Variants in LDB2 observed in about 807,000 individuals in gnomAD.
LDB2 encodes the protein LIM domain binding 2.
Under a neutral mutation model 44.3 loss-of-function variants are expected in LDB2, and 12 were observed. The observed-to-expected ratio is 0.27, with a 90% confidence interval of 0.17 to 0.44. The LOEUF is 0.44. LDB2 is among the 20% of genes least tolerant of loss of function. LDB2 has a pLI of 1.00. For synonymous variants in LDB2, 164 were observed against 174.8 expected (o/e 0.94, Z 0.49); for missense variants, 344 against 473.5 (o/e 0.73, Z 2.54).
intron 5 of LDB2, among the ~76,000 whole-genome samples, chr4:16,526,830 C>A (rs13127163): frequency 0.25 from 38,571 of 152,104 alleles, 5,114 homozygotes; most frequent in East Asian, 0.35. Flanking sequence ...TGAGATCTGT[C>A]TCAGACTTCT....
intron 5 of LDB2, among the ~76,000 whole-genome samples, chr4:16,543,941 T>A (rs1734793406): frequency 6.6e-6 from 1 of 152,190 alleles, no homozygotes; most frequent in African/African-American, 2.4e-5. Flanking sequence ...AATTGTTTTT[T>A]TCTCCCTCTC....
At chr4:16,890,962 C>A (rs1483009) in intron 1 of LDB2, among the ~76,000 whole-genome samples, 60,631 of 151,902 alleles carry the variant, frequency 0.4, 12,326 homozygotes, top group Admixed American at 0.45. Context: ...GAAGCCAAAC[C>A]TGTTGGAAGT....
intron 2 of LDB2, among the ~76,000 whole-genome samples, chr4:16,753,374 T>G (rs1375350972): frequency 1.3e-5 from 2 of 152,334 alleles, no homozygotes; most frequent in East Asian, 3.9e-4. Context: ...TAGGGGAACA[T>G]GTCCAAATAC....
chr4:16,547,919 A>C (rs952631639), intron 5 of LDB2, among the ~76,000 whole-genome samples: 2 of 151,984 alleles, frequency 1.3e-5, no homozygotes, highest in African/African-American at 4.8e-5. Flanking sequence ...AAAATTTACA[A>C]ACATTCATTT....
chr4:16,794,769 T>C (rs1776401409), intron 1 of LDB2, among the ~76,000 whole-genome samples: 1 of 152,250 alleles, frequency 6.6e-6, no homozygotes, highest in African/African-American at 2.4e-5. Flanking sequence ...TGGATGGGGT[T>C]CAACCTATTA....
rs1722813519 is a variant in LDB2, at chr4:16,889,722, G to A, written c.132+8632C>T. On this transcript the variant is annotated intron_variant, in intron 1 of 7. Coordinates refer to ENST00000304523, the MANE Select transcript of LDB2 (RefSeq NM_001290.5). ...GCACTGGGGATGCAATGATGTGTAA[G>A]ACAATCAGGTCCCTGCCCTCATGGG... Among the ~76,000 whole-genome samples, 3 of 152,204 alleles carry A rather than the reference G, an allele frequency of 2.0e-5. No individual in the cohort carries two copies. In the South Asian group the frequency reaches 6.2e-4, roughly 32 times the overall value.
chr4:16,502,481 G>GAAAA lies in LDB2; in HGVS notation c.*158_*161dup. The stretch of plus-strand genomic sequence containing the variant: ...TTACTGGGAATAATCCTCTCAATTA[G>GAAAA]AAAAAAAGAAAGAAGAAAGAAAATC... On this transcript the variant is annotated 3_prime_UTR_variant, in exon 8 of 8. Coordinates refer to ENST00000304523, the MANE Select transcript of LDB2 (RefSeq NM_001290.5). The GAAAA allele has an allele frequency of 9.4e-7, 1 of 1,068,466 alleles. No homozygotes were observed. Among genetic ancestry groups the GAAAA allele is most frequent in the African/African-American group, 1.6e-5 (1 of 62,882 alleles). The allele number at this position is 1,068,466 out of a possible 1,614,324, so 66.2% of individuals were successfully genotyped here.
chr4:16,851,089 G>T (rs1434355953), intron 1 of LDB2, among the ~76,000 whole-genome samples: 2 of 151,780 alleles, frequency 1.3e-5, no homozygotes, highest in East Asian at 3.9e-4. Flanking sequence ...GGAAGCAGTG[G>T]GGTGCTAGTG....
intron 2 of LDB2, among the ~76,000 whole-genome samples, chr4:16,671,398 A>G (rs1744724921): frequency 6.6e-6 from 1 of 152,078 alleles, no homozygotes; most frequent in African/African-American, 2.4e-5. Flanking sequence ...TCCGTGTAAA[A>G]AACTTTCATG....
chr4:16,509,590 A>G (rs1241848155), intron 6 of LDB2, among the ~76,000 whole-genome samples: 4 of 152,206 alleles, frequency 2.6e-5, no homozygotes, highest in Non-Finnish European at 4.4e-5. Context: ...AATGTTTCCA[A>G]TGCACTATTT....
At chr4:16,819,093 TGTGTGTG>T (rs1561337318) in intron 1 of LDB2, among the ~76,000 whole-genome samples, 11 of 6,514 alleles carry the variant, frequency 1.7e-3, no homozygotes, top group African/African-American at 1.9e-3. Context: ...TGTGGTTGCT[TGTGTGTG>T]TGTGTGTGTG....
intron 2 of LDB2, among the ~76,000 whole-genome samples, chr4:16,655,408 G>A (rs149326348): frequency 6.6e-6 from 1 of 152,302 alleles, no homozygotes; most frequent in African/African-American, 2.4e-5. Context: ...TCAGGGGAGT[G>A]TTTCTGATGA....
At chr4:16,544,922 A>G (rs1735157369) in intron 5 of LDB2, among the ~76,000 whole-genome samples, 1 of 152,192 alleles carries the variant, frequency 6.6e-6, no homozygotes, top group South Asian at 2.1e-4. Context: ...ATATTCTAGG[A>G]AACAGGTATG....
chr4:16,684,331 T>C (rs1560872372), intron 2 of LDB2, among the ~76,000 whole-genome samples: 2 of 152,184 alleles, frequency 1.3e-5, no homozygotes, highest in Admixed American at 1.3e-4. Context: ...GCCTTTTGTT[T>C]TTAATGTGTG....
intron 2 of LDB2, among the ~76,000 whole-genome samples, chr4:16,737,904 A>T (rs1762230216): frequency 6.6e-6 from 1 of 152,120 alleles, no homozygotes; most frequent in East Asian, 1.9e-4. Context: ...TTCTCCAACA[A>T]TTTCTATTTC....
intron 1 of LDB2, among the ~76,000 whole-genome samples, chr4:16,812,604 A>C (rs201947287): frequency 1.6e-5 from 2 of 127,322 alleles, no homozygotes; most frequent in Non-Finnish European, 3.2e-5. Flanking sequence ...ATATATATAT[A>C]TATATATATA....
At chr4:16,665,960 C>T (rs1743046082) in intron 2 of LDB2, among the ~76,000 whole-genome samples, 1 of 152,132 alleles carries the variant, frequency 6.6e-6, no homozygotes, top group Non-Finnish European at 1.5e-5. Context: ...TGAAGATTGC[C>T]TACAATACAA....
rs142829277 is a variant in LDB2, at chr4:16,523,004, A to G, written c.616-10900T>C. Among the ~76,000 whole-genome samples the G allele has an allele frequency of 1.8e-4, 27 of 152,362 alleles. No homozygotes were observed. The East Asian group carries it at 4.6e-3, about 26-fold the overall frequency. On this transcript the variant is annotated intron_variant, in intron 5 of 7. Transcript: ENST00000304523. ...CTTCAGTTCAGCCAAGGCACTAAAA[A>G]TGAAGGCCAGTGGCCCAGAATTACT...
chr4:16,813,872 CTTTTCT>C (rs1391518865), intron 1 of LDB2, among the ~76,000 whole-genome samples: 5 of 150,062 alleles, frequency 3.3e-5, no homozygotes, highest in East Asian at 2.0e-4. Context: ...CTTTTCTTTT[CTTTTCT>C]TTTTTTTTTT....
Sources: allele counts gnomAD v4.1 joint callset (sites outside exome capture counted in the v4.1 genomes callset), GRCh38; gene constraint gnomAD v4.1.1; transcripts MANE v1.5; gene names NCBI Gene and HGNC (gene_info 2026-07-23, HGNC 2026-07-21).